The following CACNA1E variants were observed in gnomAD, a reference collection of about 807,000 sequenced individuals.
The protein encoded by CACNA1E is calcium voltage-gated channel subunit alpha1 E, also known as voltage-dependent R-type calcium channel subunit alpha-1E.
A neutral mutation model predicts 259.2 loss-of-function variants in CACNA1E; 40 were observed. The observed-to-expected ratio is 0.15, with a 90% CI of 0.12 to 0.20. The LOEUF is 0.20. Ranked by LOEUF, CACNA1E falls within the 10% of genes least tolerant of loss-of-function variation. CACNA1E has a pLI of 1.00. For synonymous variants in CACNA1E, 1,104 were observed against 1,138.5 expected, an observed-to-expected ratio of 0.97 and a Z score of 0.61; for missense variants, 1,874 against 3,040.1, an observed-to-expected ratio of 0.62 and a Z score of 9.02.
intron 2 of CACNA1E, among the ~76,000 whole-genome samples, chr1:181,429,145 G>T (rs1047343263): frequency 1.3e-5 from 2 of 152,076 alleles, no homozygotes; most frequent in African/African-American, 4.8e-5. Context: ...TCACAACACT[G>T]CACTCCAACC....
At chr1:181,325,641 T>TTTTATTTATTTA (rs71571275) in intron 1 of CACNA1E, among the ~76,000 whole-genome samples, 231 of 149,510 alleles carry the variant, frequency 1.5e-3, no homozygotes, top group African/African-American at 2.9e-3. Context: ...AGTTTTTTAT[T>TTTTATTTATTTA]TTTATTTATT....
intron 1 of CACNA1E, among the ~76,000 whole-genome samples, chr1:181,330,416 T>C (rs1422876757): frequency 2.0e-5 from 3 of 152,052 alleles, no homozygotes; most frequent in Non-Finnish European, 1.5e-5. Context: ...ACAGGGGTCT[T>C]GGTGATGCTG....
At chr1:181,723,511 G>A (rs1277841897) in intron 16 of CACNA1E, among the ~76,000 whole-genome samples, 1 of 152,056 alleles carries the variant, frequency 6.6e-6, no homozygotes, top group African/African-American at 2.4e-5. Context: ...AAGCAATCCG[G>A]CAGTGGATAC....
intron 1 of CACNA1E, among the ~76,000 whole-genome samples, chr1:181,500,842 G>A (rs1288346002): frequency 2.0e-5 from 3 of 152,144 alleles, no homozygotes; most frequent in Non-Finnish European, 2.9e-5. Context: ...TCTCCCACAG[G>A]TGATCTATGG....
chr1:181,743,866 A>G (rs1229148608), intron 25 of CACNA1E, among the ~76,000 whole-genome samples: 1 of 152,216 alleles, frequency 6.6e-6, no homozygotes, highest in East Asian at 1.9e-4. Context: ...TTTAATAGAA[A>G]AATAACTAGC....
chr1:181,556,777 G>T (rs1333289123), intron 3 of CACNA1E, among the ~76,000 whole-genome samples: 2 of 152,202 alleles, frequency 1.3e-5, no homozygotes, highest in African/African-American at 4.8e-5. Flanking sequence ...GTTCTGAGGG[G>T]CTCAGGTTTC....
At chr1:181,354,398 TTTA>T (rs1653271991) in intron 1 of CACNA1E, among the ~76,000 whole-genome samples, 1 of 152,124 alleles carries the variant, frequency 6.6e-6, no homozygotes, top group African/African-American at 2.4e-5. Flanking sequence ...GACTTGCTCT[TTTA>T]AATAGTGTGC....
rs1308775985 is a variant in CACNA1E, at chr1:181,758,385, G to A, written c.4494+274G>A. Among the ~76,000 whole-genome samples, 1 of 152,152 alleles carries A rather than the reference G, an allele frequency of 6.6e-6. No individual in the cohort carries two copies. Among genetic ancestry groups the A allele is most frequent in the Admixed American group, 6.5e-5 (1 of 15,270 alleles). On this transcript the variant is annotated intron_variant, in intron 31 of 47. Transcript: ENST00000367573. This position sits in a 1 kb window ranked among gnomAD's most constrained non-coding sequence, Gnocchi z 4.2. ...GCTTCAGACAAGGGTGGAAAAATCAGGAGACAGAGATCCATCATCACGGGG... is the reference window on the plus strand; with the variant it reads ...GCTTCAGACAAGGGTGGAAAAATCAAGAGACAGAGATCCATCATCACGGGG...
chr1:181,696,791 A>G (rs987261300), intron 7 of CACNA1E, among the ~76,000 whole-genome samples: 1 of 152,246 alleles, frequency 6.6e-6, no homozygotes, highest in Non-Finnish European at 1.5e-5. Flanking sequence ...ATGTTTGGAT[A>G]TAAGATATCT....
intron 6 of CACNA1E, among the ~76,000 whole-genome samples, chr1:181,584,957 G>T (rs1651906548): frequency 6.6e-6 from 1 of 152,128 alleles, no homozygotes; most frequent in Non-Finnish European, 1.5e-5. Context: ...TACTGTAAGT[G>T]TTACTGTAAT....
chr1:181,517,009 A>G (rs970718603), intron 3 of CACNA1E, among the ~76,000 whole-genome samples: 3 of 152,102 alleles, frequency 2.0e-5, no homozygotes, highest in Non-Finnish European at 4.4e-5. Flanking sequence ...CTCAAGAGCT[A>G]TTGCTGAATA....
At chr1:181,684,039 A>G (rs574904283) in intron 7 of CACNA1E, among the ~76,000 whole-genome samples, 2 of 152,332 alleles carry the variant, frequency 1.3e-5, no homozygotes, top group East Asian at 3.9e-4. Context: ...TCTGTTTTAA[A>G]TTCTTTGAGA....
At chr1:181,408,352 A>G (rs545686065) in intron 1 of CACNA1E, among the ~76,000 whole-genome samples, 2 of 152,318 alleles carry the variant, frequency 1.3e-5, no homozygotes, top group East Asian at 1.9e-4. Context: ...AGAGGCACAG[A>G]TAAGCCAAAG....
chr1:181,603,061 A>G (rs1572349799), intron 6 of CACNA1E, among the ~76,000 whole-genome samples: 1 of 152,284 alleles, frequency 6.6e-6, no homozygotes, highest in South Asian at 2.1e-4. Flanking sequence ...GTAGGGTTTG[A>G]ATCTGTAAAT....
intron 1 of CACNA1E, among the ~76,000 whole-genome samples, chr1:181,406,964 C>G (rs1417669100): frequency 6.6e-6 from 1 of 152,148 alleles, no homozygotes; most frequent in Non-Finnish European, 1.5e-5. Flanking sequence ...AGAAGTCAAG[C>G]TAAAGGTTGC....
chr1:181,425,091 G>A (rs1659062312), intron 2 of CACNA1E, among the ~76,000 whole-genome samples: 1 of 152,200 alleles, frequency 6.6e-6, no homozygotes, highest in Non-Finnish European at 1.5e-5. Flanking sequence ...TTTTTCAGAA[G>A]AGATATTTTT....
chr1:181,493,430 C>T (rs556743872), intron 1 of CACNA1E, among the ~76,000 whole-genome samples: 54 of 152,300 alleles, frequency 3.5e-4, no homozygotes, highest in Admixed American at 6.5e-4. Flanking sequence ...CTGTGAAAGA[C>T]GACTGTCAAG....
At chr1:181,779,819 T>TACACACACACACACACACACACACACAC (rs56301632) in intron 38 of CACNA1E, among the ~76,000 whole-genome samples, 3 of 148,394 alleles carry the variant, frequency 2.0e-5, no homozygotes, top group Middle Eastern at 3.5e-3. Context: ...TATGCACATG[T>TACACACACACACACACACACACACACAC]ACACACACAC....
In CACNA1E at chr1:181,805,595, T is replaced by C. The variant is rs982962657; in HGVS notation, c.*6761T>C. ...GGTATTGAGTTTTAATGGCTACCAA[T>C]TGGGATATATACTTAGCCTGCAGGC... On this transcript the variant is annotated 3_prime_UTR_variant, in exon 48 of 48. Coordinates refer to ENST00000367573, the MANE Select transcript of CACNA1E (RefSeq NM_001205293.3). 6.6e-6 allele frequency: 1 copy of C among 152,174 alleles called. No homozygotes were observed. Among genetic ancestry groups the C allele is most frequent in the East Asian group, 1.9e-4 (1 of 5,200 alleles). The allele number at this position is 152,174 out of a possible 1,614,324, so 9.4% of individuals were successfully genotyped here.
Sources: gnomAD v4.1 joint callset for allele counts (sites outside exome capture counted in the v4.1 genomes callset) on GRCh38, gnomAD v4.1.1 for gene constraint, Gnocchi (gnomAD v3.1) non-coding constraint, MANE v1.5 for transcripts, NCBI Gene and HGNC (gene_info 2026-07-23, HGNC 2026-07-21) for gene names.